CSMD1: variants seen among roughly 807,000 people sequenced by gnomAD.
CSMD1 encodes the protein CUB and sushi domain-containing protein 1.
In CSMD1, 213 loss-of-function variants were observed where a neutral mutation model predicts 417.5. The observed-to-expected ratio is 0.51, with a 90% CI of 0.46 to 0.57. CSMD1 has a LOEUF of 0.57. CSMD1 is among the 20% of genes least tolerant of loss of function. The pLI is 0.00. For synonymous variants in CSMD1, 2,862 were observed against 1,736.8 expected (o/e 1.65, Z -16.11); for missense variants, 6,923 against 4,529.7 (o/e 1.53, Z -15.17).
At chr8:4,254,539 T>G (rs978456462) in intron 3 of CSMD1, among the ~76,000 whole-genome samples, 2 of 152,172 alleles carry the variant, frequency 1.3e-5, no homozygotes, top group Non-Finnish European at 2.9e-5. Context: ...ATGCTGTTTA[T>G]GAAGACTACA....
chr8:4,098,250 A>AC, intron 3 of CSMD1, among the ~76,000 whole-genome samples: 1 of 152,356 alleles, frequency 6.6e-6, no homozygotes, highest in South Asian at 2.1e-4. Context: ...CAATAAATAC[A>AC]ATGTACTTCA....
chr8:4,109,991 C>G (rs1162073648), intron 3 of CSMD1, among the ~76,000 whole-genome samples: 1 of 152,128 alleles, frequency 6.6e-6, no homozygotes, highest in African/African-American at 2.4e-5. Flanking sequence ...ACTAGAACCA[C>G]AGAATCATCC....
At chr8:4,832,611 G>T (rs558183222) in intron 1 of CSMD1, among the ~76,000 whole-genome samples, 1 of 152,000 alleles carries the variant, frequency 6.6e-6, no homozygotes, top group Non-Finnish European at 1.5e-5. Context: ...TGACACTTAG[G>T]GATTATAGTA....
chr8:3,321,308 G>C (rs1196278241), intron 23 of CSMD1, among the ~76,000 whole-genome samples: 5 of 152,096 alleles, frequency 3.3e-5, no homozygotes, highest in African/African-American at 1.2e-4. Context: ...ATCTGGTGAT[G>C]CCCTCTGCAC....
chr8:4,131,057 C>A (rs188376548), intron 3 of CSMD1, among the ~76,000 whole-genome samples: 13 of 152,186 alleles, frequency 8.5e-5, no homozygotes, highest in South Asian at 6.2e-4. Context: ...TGTCCTAATC[C>A]TTTTTAGAAA....
chr8:3,187,775 A>G, intron 36 of CSMD1, 94 bp downstream of exon 36: 1 of 895,880 alleles, frequency 1.1e-6, no homozygotes, highest in Non-Finnish European at 1.8e-6. Context: ...TGTGTAGGAA[A>G]ATTTCTATGT....
intron 3 of CSMD1, among the ~76,000 whole-genome samples, chr8:4,232,863 G>T (rs1236142610): frequency 1.3e-5 from 2 of 151,922 alleles, no homozygotes; most frequent in African/African-American, 4.8e-5. Flanking sequence ...TTATTTTAGG[G>T]GCAACAATCT....
intron 1 of CSMD1, among the ~76,000 whole-genome samples, chr8:4,709,981 G>C (rs1808187747): frequency 6.6e-6 from 1 of 152,148 alleles, no homozygotes; most frequent in Non-Finnish European, 1.5e-5. Context: ...TAGAAATTTT[G>C]ATAAAAACTG....
At chr8:4,388,385 G>A (rs1039931092) in intron 3 of CSMD1, among the ~76,000 whole-genome samples, 2 of 151,276 alleles carry the variant, frequency 1.3e-5, no homozygotes, top group African/African-American at 2.4e-5. Flanking sequence ...AAAAATGCAT[G>A]AATTAATGGC....
At chr8:4,774,444 TA>T (rs767334153) in intron 1 of CSMD1, among the ~76,000 whole-genome samples, 1 of 152,188 alleles carries the variant, frequency 6.6e-6, no homozygotes, top group Non-Finnish European at 1.5e-5. Context: ...GTAGTAAGTA[TA>T]CTCCTCTAAC....
chr8:4,779,472 AT>A (rs138685028), intron 1 of CSMD1, among the ~76,000 whole-genome samples: 14,111 of 152,000 alleles, frequency 0.093, 866 homozygotes, highest in East Asian at 0.33. Context: ...TCATTAATTT[AT>A]TTTTTTCTTA....
intron 4 of CSMD1, among the ~76,000 whole-genome samples, chr8:4,007,934 G>T (rs553149018): frequency 1.3e-5 from 2 of 152,124 alleles, no homozygotes; most frequent in African/African-American, 4.8e-5. Context: ...ACTGCCTCAA[G>T]AACTCTTAAT....
intron 12 of CSMD1, among the ~76,000 whole-genome samples, chr8:3,461,889 C>G (rs1403377876): frequency 6.6e-6 from 1 of 152,198 alleles, no homozygotes; most frequent in Non-Finnish European, 1.5e-5. Context: ...TCAGCATCGC[C>G]CTGCTGCAGA....
chr8:3,277,913 G>A (rs1802426466), intron 26 of CSMD1, among the ~76,000 whole-genome samples: 1 of 152,194 alleles, frequency 6.6e-6, no homozygotes, highest in African/African-American at 2.4e-5. Context: ...ATTTTATACA[G>A]TTCAAATTGG....
In CSMD1 at chr8:2,963,415, A is replaced by G. The variant is rs745751173; in HGVS notation, c.9281-20T>C. On this transcript the variant is annotated intron_variant, in intron 59 of 69. Transcript: ENST00000635120. The stretch of plus-strand genomic sequence containing the variant: ...GCACGGCTATTTCCAAAGAACAAAC[A>G]AGATCAACATTCCGGAGCTCCCGCT... 6.2e-7 allele frequency: 1 copy of G among 1,608,808 alleles called. No individual in the cohort carries two copies. The highest frequency in any genetic ancestry group is 1.1e-5 in the South Asian group (1 of 90,996).
intron 3 of CSMD1, among the ~76,000 whole-genome samples, chr8:4,335,659 G>A (rs910459305): frequency 7.9e-5 from 12 of 152,052 alleles, no homozygotes; most frequent in Admixed American, 7.9e-4. Context: ...AAAAGTTGCT[G>A]GGAGCATGAA....
rs1459564665 is a variant in CSMD1, at chr8:3,796,380, A to C, written c.819-42338T>G. The stretch of plus-strand genomic sequence containing the variant: ...ATAGATATAGATATCTATCATGTAT[A>C]TATATATCTATCATGTATAGATATA... On this transcript the variant is annotated intron_variant, in intron 5 of 69. Coordinates refer to ENST00000635120, the MANE Select transcript of CSMD1 (RefSeq NM_033225.6). 5.0e-5 allele frequency among the ~76,000 whole-genome samples: 2 copies of C among 40,118 alleles called. 1 individual carries two copies. Among genetic ancestry groups the C allele is most frequent in the African/African-American group, 2.2e-4 (2 of 8,942 alleles). The allele number at this position is 40,118 out of a possible 152,430, so 26.3% of individuals were successfully genotyped here. A position where few individuals can be genotyped will look rare whatever the true frequency, so the allele number is the denominator to read the frequency against.
At chr8:4,175,219 A>C (rs995107384) in intron 3 of CSMD1, among the ~76,000 whole-genome samples, 7 of 152,138 alleles carry the variant, frequency 4.6e-5, no homozygotes, top group Non-Finnish European at 7.3e-5. Context: ...CAAGTCACTA[A>C]GGTGATCTCA....
chr8:3,479,486 G>C (rs1008155396), intron 11 of CSMD1, among the ~76,000 whole-genome samples: 2 of 152,066 alleles, frequency 1.3e-5, no homozygotes, highest in African/African-American at 2.4e-5. Context: ...CTCCGTATTG[G>C]TCATGCTAGT....
Sources: allele counts gnomAD v4.1 joint callset (sites outside exome capture counted in the v4.1 genomes callset), GRCh38; gene constraint gnomAD v4.1.1; transcripts MANE v1.5; gene names NCBI Gene and HGNC (gene_info 2026-07-23, HGNC 2026-07-21).